Variants in DNAL1 observed in about 807,000 individuals in gnomAD.
DNAL1 encodes chromosome 14 open reading frame 168.
A neutral mutation model predicts 29.4 loss-of-function variants in DNAL1; 17 were observed. The observed-to-expected ratio is 0.58, with a 90% CI of 0.40 to 0.87. The LOEUF (loss-of-function observed/expected upper bound fraction) is 0.87. Among genes scored for constraint, DNAL1 ranks in the 40% least tolerant of loss-of-function variants. DNAL1 has a pLI of 0.00. For synonymous variants in DNAL1, 78 were observed against 76.3 expected (o/e 1.02, Z -0.12); for missense variants, 188 against 214.1 (o/e 0.88, Z 0.76).
In DNAL1 at chr14:73,655,346, CT is replaced by C. The variant is rs780510214; in HGVS notation, c.42+476del. Among the ~76,000 whole-genome samples, 379 of 139,152 alleles carry C rather than the reference CT, an allele frequency of 2.7e-3. 1 individual carries two copies. Among genetic ancestry groups the C allele is most frequent in the Middle Eastern group, 3.7e-3 (1 of 268 alleles). 91.3% of individuals were successfully genotyped at this position (139,152 alleles called of 152,430 possible). On this transcript the variant is annotated intron_variant, in intron 2 of 7. Coordinates refer to ENST00000553645, the MANE Select transcript of DNAL1 (RefSeq NM_031427.4). Reference sequence around the variant, plus strand: ...TACATTTTCTTTTTCTTTTTCTTTTCTTTTTTTTTTTTTTTGAGACGGAGTT... The same window carrying C: ...TACATTTTCTTTTTCTTTTTCTTTTCTTTTTTTTTTTTTTGAGACGGAGTT...
intron 5 of DNAL1, 130 bp downstream of exon 5, chr14:73,671,727 T>G (rs1228807177): frequency 5.5e-6 from 6 of 1,098,778 alleles, no homozygotes; most frequent in Non-Finnish European, 7.1e-6. Flanking sequence ...TTTTGTGACA[T>G]ATTCTCAAGT....
rs368774074 is a variant in DNAL1, at chr14:73,658,980, A to G, written c.152+24A>G. 3.4e-4 allele frequency: 472 copies of G among 1,390,448 alleles called. 4 individuals are homozygous for G. Among genetic ancestry groups the G allele is most frequent in the South Asian group, 3.0e-3 (168 of 56,004 alleles). The allele number at this position is 1,390,448 out of a possible 1,614,324, so 86.1% of individuals were successfully genotyped here. A position where few individuals can be genotyped will look rare whatever the true frequency, so the allele number is the denominator to read the frequency against. On this transcript the variant is annotated intron_variant, in intron 3 of 7. Transcript: ENST00000553645. ...GAGTAAGTTCTCTTTTCATCCTTCC[A>G]GTATTGCTGTTAGGTTTCCCTTTCT...
chr14:73,652,948 G>A (rs1207619945), intron 1 of DNAL1, among the ~76,000 whole-genome samples: 2 of 151,888 alleles, frequency 1.3e-5, no homozygotes, highest in African/African-American at 4.8e-5. Context: ...ATATATTTGT[G>A]AACAAAAATT....
At chr14:73,695,405 C>T (rs191533216) in intron 7 of DNAL1, among the ~76,000 whole-genome samples, 30 of 152,034 alleles carry the variant, frequency 2.0e-4, no homozygotes, top group Admixed American at 1.7e-3. Flanking sequence ...TTAATATTCA[C>T]AAGTATGTAT....
chr14:73,668,076 A>G (rs1488177979), intron 4 of DNAL1, among the ~76,000 whole-genome samples: 1 of 152,166 alleles, frequency 6.6e-6, no homozygotes, highest in African/African-American at 2.4e-5. Flanking sequence ...TCCTCCAGAT[A>G]TGTGCATGGT....
chr14:73,684,624 T>C lies in DNAL1; in HGVS notation c.265-2635T>C, dbSNP rs182189889. Reference sequence around the variant, plus strand: ...GTCTAAAATAGAGGTCAGCTGGGCATGGTGGCTCACGCCTATAGTCCTAGC... The same window carrying C: ...GTCTAAAATAGAGGTCAGCTGGGCACGGTGGCTCACGCCTATAGTCCTAGC... On this transcript the variant is annotated intron_variant, in intron 5 of 7. Transcript: ENST00000553645. Among the ~76,000 whole-genome samples, 679 of 152,300 alleles carry C rather than the reference T, an allele frequency of 4.5e-3. 2 individuals are homozygous for C. Among genetic ancestry groups the C allele is most frequent in the Non-Finnish European group, 7.2e-3 (487 of 68,016 alleles).
At position 73,657,586 on chromosome 14, in the gene DNAL1, G is replaced by T. The variant is rs542616134; in HGVS notation, c.43-1261G>T. Among the ~76,000 whole-genome samples, 120 of 152,228 alleles carry T rather than the reference G, an allele frequency of 7.9e-4. 1 individual carries two copies. The highest frequency in any genetic ancestry group is 2.8e-3 in the African/African-American group (118 of 41,542). On this transcript the variant is annotated intron_variant, in intron 2 of 7. Coordinates refer to ENST00000553645, the MANE Select transcript of DNAL1 (RefSeq NM_031427.4). ...CACTCTGTTTATTGTTTCCTCTGCTGTGCAGAAGTTTTATTTTTACATTTT... is the reference window on the plus strand; with the variant it reads ...CACTCTGTTTATTGTTTCCTCTGCTTTGCAGAAGTTTTATTTTTACATTTT...
chr14:73,681,294 C>T (rs969728285), intron 5 of DNAL1, among the ~76,000 whole-genome samples: 4 of 151,428 alleles, frequency 2.6e-5, no homozygotes. Flanking sequence ...CCACCATGCC[C>T]GGCTAGTTTT....
At chr14:73,675,743 C>T (rs1364907184) in intron 5 of DNAL1, among the ~76,000 whole-genome samples, 6 of 152,216 alleles carry the variant, frequency 3.9e-5, no homozygotes, top group African/African-American at 7.2e-5. Flanking sequence ...GTAGGCTGGG[C>T]GCAGTGGCTC....
At position 73,655,055 on chromosome 14, in the gene DNAL1, AACTT is replaced by A. The variant is rs371231448; in HGVS notation, c.42+172_42+175del. ...TTACACATATGATAAAATTGTGTAA[AACTT>A]AATGCACACATACACACAGTCATAC... On this transcript the variant is annotated intron_variant, in intron 2 of 7. Transcript: ENST00000553645. Among the ~76,000 whole-genome samples the A allele has an allele frequency of 1.1e-3, 174 of 152,216 alleles. 2 individuals carry two copies. Among genetic ancestry groups the A allele is most frequent in the African/African-American group, 3.7e-3 (155 of 41,560 alleles).
intron 5 of DNAL1, among the ~76,000 whole-genome samples, chr14:73,675,820 G>C (rs7147232): frequency 0.22 from 33,529 of 151,462 alleles, 4,969 homozygotes; most frequent in Non-Finnish European, 0.33. Flanking sequence ...TTCGAGACCA[G>C]CCTGACCAAC....
chr14:73,665,385 G>A (rs1891453155), intron 4 of DNAL1, among the ~76,000 whole-genome samples: 1 of 152,028 alleles, frequency 6.6e-6, no homozygotes, highest in Non-Finnish European at 1.5e-5. Context: ...TTTTTTCTCT[G>A]TAATTGAAGT....
chr14:73,652,854 C>CT (rs368923741), intron 1 of DNAL1, among the ~76,000 whole-genome samples: 4 of 152,066 alleles, frequency 2.6e-5, no homozygotes, highest in Non-Finnish European at 2.9e-5. Flanking sequence ...CAAATTTTGA[C>CT]TTTTTTTCTT....
At chr14:73,674,600 A>C (rs755803966) in intron 5 of DNAL1, among the ~76,000 whole-genome samples, 12 of 152,136 alleles carry the variant, frequency 7.9e-5, no homozygotes, top group Non-Finnish European at 1.8e-4. Flanking sequence ...AGAGTGCAGT[A>C]GTACAATCAC....
chr14:73,689,568 T>G (rs138833457), intron 7 of DNAL1, 53 bp downstream of exon 7: 2 of 1,564,688 alleles, frequency 1.3e-6, no homozygotes, highest in South Asian at 2.4e-5. Context: ...AAAATGGAAT[T>G]TGTGGCATGG....
At chr14:73,650,579 G>C (rs1224297269) in intron 1 of DNAL1, among the ~76,000 whole-genome samples, 1 of 152,134 alleles carries the variant, frequency 6.6e-6, no homozygotes. Flanking sequence ...ATTAAGTATG[G>C]TGTTTGTTAT....
At position 73,671,605 on chromosome 14, in the gene DNAL1, GTTAT is replaced by G. The variant is rs767275271; in HGVS notation, c.264+14_264+17del. 1.4e-6 allele frequency: 2 copies of G among 1,447,898 alleles called. No homozygotes were observed. The highest frequency in any genetic ancestry group is 5.2e-5 in the East Asian group (2 of 38,200). The allele number at this position is 1,447,898 out of a possible 1,614,324, so 89.7% of individuals were successfully genotyped here. A position where few individuals can be genotyped will look rare whatever the true frequency, so the allele number is the denominator to read the frequency against. ...AAGAACTTAAATGGACTGGTAGGTT[GTTAT>G]TTATTATTATTTTATTTATTTAATT... On this transcript the variant is annotated intron_variant, in intron 5 of 7. Coordinates refer to ENST00000553645, the MANE Select transcript of DNAL1 (RefSeq NM_031427.4).
Position 73,687,247 on chromosome 14 carries a change from G to C in DNAL1, c.265-12G>C. The C allele has an allele frequency of 6.2e-7, 1 of 1,609,298 alleles. No homozygotes were observed. The highest frequency in any genetic ancestry group is 8.5e-7 in the Non-Finnish European group (1 of 1,178,742). On this transcript the variant is annotated splice_polypyrimidine_tract_variant and intron_variant, in intron 5 of 7. Coordinates refer to ENST00000553645, the MANE Select transcript of DNAL1 (RefSeq NM_031427.4). ...TAAACATAAACATAAATCAAATTTT[G>C]TTCTTTTTCAGGAGGCAGTAGGGGA...
chr14:73,666,852 A>G (rs1891494625), intron 4 of DNAL1, among the ~76,000 whole-genome samples: 1 of 152,098 alleles, frequency 6.6e-6, no homozygotes, highest in Non-Finnish European at 1.5e-5. Context: ...GCTTTAGGAT[A>G]CTGTCCCCCT....
Sources: gnomAD v4.1 joint callset for allele counts (sites outside exome capture counted in the v4.1 genomes callset) on GRCh38, gnomAD v4.1.1 for gene constraint, MANE v1.5 for transcripts, NCBI Gene and HGNC (gene_info 2026-07-23, HGNC 2026-07-21) for gene names.